Variants in ETV6 observed in about 807,000 individuals in gnomAD.
ETV6 encodes the protein ETS variant transcription factor 6.
ETV6 carries 16 observed loss-of-function variants against 51.1 expected under a neutral mutation model. The ratio of observed to expected loss-of-function variants is 0.31; its 90% confidence interval spans 0.21 to 0.48. The LOEUF (loss-of-function observed/expected upper bound fraction) is 0.48, where lower values mean the gene tolerates loss of function less well. Ranked by LOEUF, ETV6 falls within the 20% of genes least tolerant of loss-of-function variation. The probability of loss-of-function intolerance (pLI) is 0.99; values close to 1 mark genes in which losing one functional copy is unlikely to be tolerated. For missense variants in ETV6, 458 were observed against 594.8 expected (o/e 0.77, Z 2.39); for synonymous variants, 240 against 224.1 (o/e 1.07, Z -0.64).
chr12:11,725,517 CT>C (rs1865471775), intron 1 of ETV6, among the ~76,000 whole-genome samples: 2 of 152,140 alleles, frequency 1.3e-5, no homozygotes, highest in African/African-American at 4.8e-5. Flanking sequence ...TGAATTATGG[CT>C]TTTTCTTTTC....
chr12:11,826,806 C>T (rs910792442), intron 2 of ETV6, among the ~76,000 whole-genome samples: 2 of 152,142 alleles, frequency 1.3e-5, no homozygotes, highest in African/African-American at 4.8e-5. Flanking sequence ...AAGCATGAGA[C>T]ATCCAGTTAC....
intron 4 of ETV6, among the ~76,000 whole-genome samples, chr12:11,857,737 A>C (rs1946652401): frequency 6.6e-6 from 1 of 152,190 alleles, no homozygotes. Context: ...AGATCTGGAA[A>C]CCGGGAAACC....
intron 1 of ETV6, among the ~76,000 whole-genome samples, chr12:11,732,920 C>T (rs987521576): frequency 1.3e-5 from 2 of 152,136 alleles, no homozygotes; most frequent in African/African-American, 2.4e-5. Context: ...CATTCTTACT[C>T]CTCATTTTGG....
At chr12:11,699,110 A>G (rs1864930061) in intron 1 of ETV6, among the ~76,000 whole-genome samples, 1 of 152,240 alleles carries the variant, frequency 6.6e-6, no homozygotes, top group South Asian at 2.1e-4. Context: ...CAAAGGGATA[A>G]TTGTAATAGG....
At chr12:11,675,829 G>A (rs1864412447) in intron 1 of ETV6, among the ~76,000 whole-genome samples, 1 of 150,026 alleles carries the variant, frequency 6.7e-6, no homozygotes, top group African/African-American at 2.5e-5. Flanking sequence ...CAAAAAGGAA[G>A]GAAGGAAAGA....
At chr12:11,796,176 A>C (rs1945673826) in intron 2 of ETV6, among the ~76,000 whole-genome samples, 1 of 123,638 alleles carries the variant, frequency 8.1e-6, no homozygotes, top group African/African-American at 2.8e-5. Context: ...GTCAAGCAGG[A>C]AAGTACATTG....
chr12:11,720,831 A>T (rs565558339), intron 1 of ETV6, among the ~76,000 whole-genome samples: 5 of 152,322 alleles, frequency 3.3e-5, no homozygotes, highest in African/African-American at 1.2e-4. Flanking sequence ...GCATCCAACA[A>T]AGGTCTAATA....
chr12:11,850,975 C>G (rs1946544431), intron 3 of ETV6, among the ~76,000 whole-genome samples: 9 of 152,214 alleles, frequency 5.9e-5, no homozygotes, highest in Admixed American at 5.9e-4. Context: ...TGACCTTTCC[C>G]TCCTTTAACC....
intron 1 of ETV6, among the ~76,000 whole-genome samples, chr12:11,673,536 G>A (rs541146625): frequency 2.0e-5 from 3 of 152,300 alleles, no homozygotes; most frequent in Admixed American, 6.5e-5. Context: ...GGAGTTTTTA[G>A]TAATACCAAG....
intron 1 of ETV6, among the ~76,000 whole-genome samples, chr12:11,729,444 G>A (rs1488438247): frequency 2.6e-5 from 4 of 152,160 alleles, no homozygotes; most frequent in Non-Finnish European, 5.9e-5. Flanking sequence ...CTGCTGTGTG[G>A]TAGATTTGAG....
chr12:11,840,751 A>T (rs1025330519), intron 3 of ETV6: 19 of 316,392 alleles, frequency 6.0e-5, no homozygotes, highest in Non-Finnish European at 8.8e-5. Flanking sequence ...AAAATTGAGT[A>T]ATTTGGAAGG....
At chr12:11,884,353 G>A in intron 5 of ETV6, 92 bp from the exon 6 acceptor site, 1 of 1,405,518 alleles carries the variant, frequency 7.1e-7, no homozygotes, top group East Asian at 2.3e-5. Context: ...AAGCTAGGCA[G>A]AAGCAGTTGC....
intron 7 of ETV6, among the ~76,000 whole-genome samples, chr12:11,887,367 A>T (rs181644836): frequency 3.7e-4 from 57 of 152,288 alleles, no homozygotes; most frequent in Admixed American, 3.3e-3. Context: ...AATGTCCAAG[A>T]GTTTCCTGTA....
At chr12:11,833,288 G>A (rs1946269307) in intron 2 of ETV6, among the ~76,000 whole-genome samples, 1 of 152,130 alleles carries the variant, frequency 6.6e-6, no homozygotes. Flanking sequence ...TCTGAAAATT[G>A]TATAAGTACA....
chr12:11,771,401 A>G (rs1281926218), intron 2 of ETV6, among the ~76,000 whole-genome samples: 2 of 152,214 alleles, frequency 1.3e-5, no homozygotes, highest in Non-Finnish European at 2.9e-5. Context: ...AATGATATTT[A>G]AAAGTCAAAC....
At chr12:11,672,983 T>G (rs899035144) in intron 1 of ETV6, among the ~76,000 whole-genome samples, 1 of 152,210 alleles carries the variant, frequency 6.6e-6, no homozygotes, top group African/African-American at 2.4e-5. Flanking sequence ...AACCTCTGTG[T>G]TCCCTTAGCC....
intron 2 of ETV6, among the ~76,000 whole-genome samples, chr12:11,789,188 A>G (rs1945539936): frequency 6.6e-6 from 1 of 152,012 alleles, no homozygotes; most frequent in Non-Finnish European, 1.5e-5. Flanking sequence ...GCCAGCCACC[A>G]TGCCCAGCTA....
chr12:11,651,504 T>G (rs1487101047), intron 1 of ETV6, among the ~76,000 whole-genome samples: 2 of 152,202 alleles, frequency 1.3e-5, no homozygotes, highest in Non-Finnish European at 2.9e-5. Context: ...TGTTTTTGCC[T>G]CACAAAAATG....
intron 4 of ETV6, among the ~76,000 whole-genome samples, chr12:11,855,668 C>T (rs1179402900): frequency 6.6e-6 from 1 of 152,220 alleles, no homozygotes; most frequent in Non-Finnish European, 1.5e-5. Context: ...ATGACACCAC[C>T]TCCTTGTGCC....
Sources: gnomAD v4.1 joint callset for allele counts (sites outside exome capture counted in the v4.1 genomes callset) on GRCh38, gnomAD v4.1.1 for gene constraint, MANE v1.5 for transcripts, NCBI Gene and HGNC (gene_info 2026-07-23, HGNC 2026-07-21) for gene names.